SLC6A6: variants seen among roughly 807,000 people sequenced by gnomAD.
SLC6A6 encodes the protein solute carrier family 6 member 6, also known as sodium- and chloride-dependent taurine transporter.
In SLC6A6, 16 loss-of-function variants were observed where a neutral mutation model predicts 68.8. The ratio of observed to expected loss-of-function variants is 0.23; its 90% CI spans 0.16 to 0.35. The LOEUF (loss-of-function observed/expected upper bound fraction) is 0.35, where lower values mean the gene tolerates loss of function less well. SLC6A6 is among the 10% of genes least tolerant of loss of function. The pLI, the probability that SLC6A6 is intolerant of heterozygous loss-of-function variation, is 1.00. For missense variants in SLC6A6, 474 were observed against 802.8 expected, an observed-to-expected ratio of 0.59 and a Z score of 4.95; for synonymous variants, 312 against 315.4, an observed-to-expected ratio of 0.99 and a Z score of 0.12.
rs1700044227 is a variant in SLC6A6, at chr3:14,443,700, A to G, written c.66A>G (p.Pro22=). ...DFHKDILKPS[P]GKSPGTRPED... Reference sequence around the variant, plus strand: ...ACAAGGACATCCTGAAGCCCTCACCAGGGAAGAGCCCAGGCACGCGGCCTG... The same window carrying G: ...ACAAGGACATCCTGAAGCCCTCACCGGGGAAGAGCCCAGGCACGCGGCCTG... Residue 22 remains proline (P), a synonymous_variant, in exon 3 of 15, where the codon CCA becomes CCG. Coordinates refer to ENST00000622186, the MANE Select transcript of SLC6A6 (RefSeq NM_003043.6). The G allele has an allele frequency of 1.9e-6, 3 of 1,614,080 alleles. No homozygotes were observed. Among genetic ancestry groups the G allele is most frequent in the Non-Finnish European group, 2.5e-6 (3 of 1,180,010 alleles).
intron 2 of SLC6A6, among the ~76,000 whole-genome samples, chr3:14,438,090 C>T (rs1699900900): frequency 6.6e-6 from 1 of 151,316 alleles, no homozygotes. Flanking sequence ...AGTGATCTGC[C>T]CACCTCGGCC....
At chr3:14,483,396 G>T (rs900105347) in intron 14 of SLC6A6, among the ~76,000 whole-genome samples, 1 of 152,244 alleles carries the variant, frequency 6.6e-6, no homozygotes, top group African/African-American at 2.4e-5. Flanking sequence ...TCTGAGCCAG[G>T]TTCTGGCAAA....
intron 2 of SLC6A6, among the ~76,000 whole-genome samples, chr3:14,423,200 G>A (rs1211765413): frequency 6.6e-6 from 1 of 152,236 alleles, no homozygotes; most frequent in Admixed American, 6.5e-5. Context: ...CAGGCAAGAG[G>A]TGTCTTCTGG....
chr3:14,480,288 T>A (rs1700978292), intron 13 of SLC6A6, among the ~76,000 whole-genome samples: 1 of 152,158 alleles, frequency 6.6e-6, no homozygotes, highest in Non-Finnish European at 1.5e-5. Context: ...TGGAGATGAG[T>A]TTAGTTGGCC....
At chr3:14,447,332 C>G (rs931337844) in intron 4 of SLC6A6, among the ~76,000 whole-genome samples, 2 of 152,176 alleles carry the variant, frequency 1.3e-5, no homozygotes, top group Non-Finnish European at 2.9e-5. Context: ...ATCCATCCAT[C>G]TATTTATCCA....
Position 14,487,894 on chromosome 3 carries a change from C to A in SLC6A6, c.*2887C>A, listed in dbSNP as rs1701215442. ...GGTCTTCCTGACAACCAAAGACAAG[C>A]CTTTATGGAAAAGGAAATGCGCTCC... On this transcript the variant is annotated 3_prime_UTR_variant, in exon 15 of 15. Transcript: ENST00000622186. 1 of 152,570 alleles carries A rather than the reference C, an allele frequency of 6.6e-6. No homozygotes were observed. The highest frequency in any genetic ancestry group is 2.1e-4 in the South Asian group (1 of 4,824). The allele number at this position is 152,570 out of a possible 1,614,324, so 9.5% of individuals were successfully genotyped here. A position where few individuals can be genotyped will look rare whatever the true frequency, so the allele number is the denominator to read the frequency against.
At chr3:14,463,654 G>A (rs564557865) in intron 6 of SLC6A6, among the ~76,000 whole-genome samples, 19 of 152,358 alleles carry the variant, frequency 1.2e-4, no homozygotes, top group Non-Finnish European at 2.1e-4. Context: ...GGAGAGGCAG[G>A]TTGGTTTTCT....
At chr3:14,463,687 C>T (rs980721164) in intron 6 of SLC6A6, among the ~76,000 whole-genome samples, 1 of 152,218 alleles carries the variant, frequency 6.6e-6, no homozygotes, top group African/African-American at 2.4e-5. Flanking sequence ...TTCCCCCCTT[C>T]TGTGGCTTCC....
chr3:14,479,297 A>G, intron 13 of SLC6A6, 112 bp downstream of exon 13: 1 of 737,762 alleles, frequency 1.4e-6, no homozygotes. Flanking sequence ...GCTTATAATA[A>G]ACCCAGCTTC....
intron 3 of SLC6A6, 183 bp downstream of exon 3, chr3:14,444,046 G>T (rs571720165): frequency 1.0e-5 from 6 of 587,726 alleles, no homozygotes; most frequent in Non-Finnish European, 1.8e-5. Context: ...GGATAAGCCC[G>T]ACTGAGAATC....
chr3:14,406,885 G>A (rs572648015), intron 1 of SLC6A6, among the ~76,000 whole-genome samples: 50 of 152,204 alleles, frequency 3.3e-4, no homozygotes, highest in Non-Finnish European at 6.9e-4. Flanking sequence ...AGGGAATGAT[G>A]GGGGAGGCAG....
intron 10 of SLC6A6, among the ~76,000 whole-genome samples, chr3:14,475,835 C>G (rs1334852704): frequency 6.6e-6 from 1 of 152,164 alleles, no homozygotes; most frequent in Non-Finnish European, 1.5e-5. Flanking sequence ...AAAAAAGCAG[C>G]CTCTTCTCTT....
intron 2 of SLC6A6, among the ~76,000 whole-genome samples, chr3:14,431,083 T>G (rs1014868964): frequency 1.9e-5 from 1 of 53,080 alleles, no homozygotes; most frequent in African/African-American, 1.2e-4. Context: ...TGCTCAGGAA[T>G]GGACATCGTT....
rs1248711768 is a variant in SLC6A6 at position 14,402,755 on chromosome 3, C to G, written c.-146C>G. On this transcript the variant is annotated 5_prime_UTR_variant, in exon 1 of 15. Transcript: ENST00000622186. This position sits in a 1 kb window ranked among gnomAD's most constrained non-coding sequence, Gnocchi z 4.8. ...CCAAGAGGGAGTGCGGAGCGTTCAC[C>G]CAGCGGGTCAGAGAGCGAGCGGGCA... 2.5e-6 allele frequency: 1 copy of G among 397,998 alleles called. No homozygotes were observed. 24.7% of individuals were successfully genotyped at this position (397,998 alleles called of 1,614,324 possible).
rs573211424 is a variant in SLC6A6 at position 14,456,154 on chromosome 3, C to T, written c.600-1796C>T. Among the ~76,000 whole-genome samples the T allele has an allele frequency of 1.3e-4, 20 of 152,282 alleles. No homozygotes were observed. In the East Asian group the frequency reaches 3.9e-3, roughly 29 times the overall value. On this transcript the variant is annotated intron_variant, in intron 5 of 14. Transcript: ENST00000622186. ...TAAAATGGGGTGAATGGCCTCTACT[C>T]CTGGGATCAGATGAGATAAACTGAA...
chr3:14,477,673 G>A lies in SLC6A6; in HGVS notation c.1347+331G>A, dbSNP rs1245396377. Among the ~76,000 whole-genome samples, 3 of 152,180 alleles carry A rather than the reference G, an allele frequency of 2.0e-5. No homozygotes were observed. The highest frequency in any genetic ancestry group is 4.4e-5 in the Non-Finnish European group (3 of 68,032). ...ACTGTGTGCCCTTCTCAGGCCTGGG[G>A]GTGGGGTGGAGACATTCTCAAGGGT... is the stretch of plus-strand genomic sequence containing the variant. On this transcript the variant is annotated intron_variant, in intron 11 of 14. Coordinates refer to ENST00000622186, the MANE Select transcript of SLC6A6 (RefSeq NM_003043.6). The surrounding 1 kb of genome is among the most constrained non-coding windows in gnomAD (Gnocchi z 4.2).
At position 14,472,142 on chromosome 3, in the gene SLC6A6, C is replaced by T; in HGVS notation, c.1097-63C>T. 2.0e-6 allele frequency: 2 copies of T among 985,536 alleles called. No individual in the cohort carries two copies. The highest frequency in any genetic ancestry group is 2.6e-5 in the South Asian group (2 of 76,588). 61.0% of individuals were successfully genotyped at this position (985,536 alleles called of 1,614,324 possible). A position where few individuals can be genotyped will look rare whatever the true frequency, so the allele number is the denominator to read the frequency against. The stretch of plus-strand genomic sequence containing the variant: ...AGTGTCTTTGTGTGAGCCCAGGGTT[C>T]CCAGTGGCTTGGTGGCTGATGTCTC... On this transcript the variant is annotated intron_variant, in intron 9 of 14. Transcript: ENST00000622186. This position sits in a 1 kb window ranked among gnomAD's most constrained non-coding sequence, Gnocchi z 4.5.
chr3:14,473,991 A>C (rs1700813645), intron 10 of SLC6A6, among the ~76,000 whole-genome samples: 1 of 152,182 alleles, frequency 6.6e-6, no homozygotes, highest in African/African-American at 2.4e-5. Flanking sequence ...CGCATCTCTC[A>C]GGGAGGCCCC....
intron 1 of SLC6A6, among the ~76,000 whole-genome samples, chr3:14,403,909 C>T (rs1199316637): frequency 2.0e-5 from 3 of 152,218 alleles, no homozygotes; most frequent in Non-Finnish European, 2.9e-5. Flanking sequence ...CCGGGTAGGG[C>T]CACCGGCCTG....
Sources: gnomAD v4.1 joint callset for allele counts (sites outside exome capture counted in the v4.1 genomes callset) on GRCh38, gnomAD v4.1.1 for gene constraint, Gnocchi (gnomAD v3.1) non-coding constraint, MANE v1.5 for transcripts, NCBI Gene and HGNC (gene_info 2026-07-23, HGNC 2026-07-21) for gene names.